PDZD2: variants seen among roughly 807,000 people sequenced by gnomAD.
The protein encoded by PDZD2 is PDZ domain containing 2, also known as PDZ domain-containing protein 2.
Under a neutral mutation model 220.7 loss-of-function variants are expected in PDZD2, and 90 were observed. The ratio of observed to expected loss-of-function variants is 0.41; its 90% CI spans 0.34 to 0.49. The LOEUF is 0.49. Ranked by LOEUF, PDZD2 falls within the 20% of genes least tolerant of loss-of-function variation. The pLI, the probability that PDZD2 is intolerant of heterozygous loss-of-function variation, is 0.28. For synonymous variants in PDZD2, 1,375 were observed against 1,450.5 expected, an observed-to-expected ratio of 0.95 and a Z score of 1.18; for missense variants, 3,174 against 3,608.5, an observed-to-expected ratio of 0.88 and a Z score of 3.08.
chr5:32,010,743 G>A (rs779602839), intron 6 of PDZD2: 27 of 470,330 alleles, frequency 5.7e-5, no homozygotes, highest in Non-Finnish European at 1.1e-4. Flanking sequence ...CACCTGTAAT[G>A]CCAGCACTTT....
intron 1 of PDZD2, among the ~76,000 whole-genome samples, chr5:31,667,508 G>C (rs1016701920): frequency 6.6e-6 from 1 of 152,090 alleles, no homozygotes; most frequent in African/African-American, 2.4e-5. Flanking sequence ...GTGGGGGCTG[G>C]GAAGGCTGCT....
intron 19 of PDZD2, among the ~76,000 whole-genome samples, chr5:32,081,104 G>A (rs922825502): frequency 3.9e-5 from 6 of 151,932 alleles, no homozygotes; most frequent in South Asian, 2.1e-4. Flanking sequence ...CCGCGGGTTT[G>A]TACCTTAAGT....
chr5:31,855,251 A>C, intron 2 of PDZD2: 14 of 366,664 alleles, frequency 3.8e-5, no homozygotes, highest in Non-Finnish European at 4.9e-5. Flanking sequence ...GAATCCACAA[A>C]TGTGGAGATT....
At chr5:31,884,517 G>T (rs1418009586) in intron 2 of PDZD2, among the ~76,000 whole-genome samples, 3 of 152,116 alleles carry the variant, frequency 2.0e-5, no homozygotes, top group Non-Finnish European at 2.9e-5. Flanking sequence ...GTCTGCTGTT[G>T]TCTGCTGTTT....
intron 2 of PDZD2, among the ~76,000 whole-genome samples, chr5:31,953,747 C>T (rs906647321): frequency 2.0e-5 from 3 of 151,952 alleles, no homozygotes; most frequent in African/African-American, 4.8e-5. Flanking sequence ...CTCTGCCTCC[C>T]AGGTTGAAGC....
chr5:32,005,704 G>C (rs2112047292), intron 5 of PDZD2, among the ~76,000 whole-genome samples: 1 of 152,236 alleles, frequency 6.6e-6, no homozygotes, highest in Non-Finnish European at 1.5e-5. Context: ...ATATACCCTG[G>C]AGGCAGTCCC....
At chr5:31,738,680 G>C (rs1323157922) in intron 1 of PDZD2, 1 of 152,112 alleles carries the variant, frequency 6.6e-6, no homozygotes, top group Non-Finnish European at 1.5e-5. Flanking sequence ...GCCTCTTTTA[G>C]AAAATGTTGC....
chr5:32,065,504 TC>T (rs1313690439), intron 14 of PDZD2, among the ~76,000 whole-genome samples: 2 of 152,198 alleles, frequency 1.3e-5, no homozygotes, highest in African/African-American at 4.8e-5. Context: ...CTTGGTGGCA[TC>T]AATTTAGACA....
intron 1 of PDZD2, chr5:31,661,418 A>G (rs1745758003): frequency 6.6e-6 from 1 of 152,232 alleles, no homozygotes; most frequent in African/African-American, 2.4e-5. Flanking sequence ...GCATCAAAAC[A>G]GGGAGGAATC....
At chr5:31,786,563 A>G (rs1040936171) in intron 1 of PDZD2, among the ~76,000 whole-genome samples, 2 of 152,136 alleles carry the variant, frequency 1.3e-5, no homozygotes, top group African/African-American at 4.8e-5. Context: ...TGATAAAGCA[A>G]TTTAGCCTAT....
At chr5:32,060,815 A>G (rs938508399) in intron 13 of PDZD2, among the ~76,000 whole-genome samples, 187 bp from the exon 14 acceptor site, 5 of 152,214 alleles carry the variant, frequency 3.3e-5, no homozygotes, top group Non-Finnish European at 7.3e-5. Flanking sequence ...ACCTTTGCCC[A>G]CTTAAAATCG....
chr5:31,749,218 A>T (rs1424338407), intron 1 of PDZD2, among the ~76,000 whole-genome samples: 1 of 152,192 alleles, frequency 6.6e-6, no homozygotes, highest in African/African-American at 2.4e-5. Flanking sequence ...GGCAGGAAGG[A>T]TATTTCACCT....
In PDZD2 at chr5:32,029,340, A is replaced by AAAAC. The variant is rs1402542758; in HGVS notation, c.1408-7888_1408-7887insCAAA. ...AGTATCAAGAACTGTAAAAAAAAAA[A>AAAAC]AAAAAAAAAAAAAGCTTTTCCACTA... On this transcript the variant is annotated intron_variant, in intron 6 of 24. Transcript: ENST00000438447. Among the ~76,000 whole-genome samples the AAAAC allele has an allele frequency of 2.8e-4, 43 of 151,000 alleles. 2 individuals carry two copies. Among genetic ancestry groups the AAAAC allele is most frequent in the Non-Finnish European group, 5.9e-4 (40 of 67,770 alleles).
chr5:31,659,030 C>T (rs1426123297), intron 1 of PDZD2, among the ~76,000 whole-genome samples: 1 of 152,128 alleles, frequency 6.6e-6, no homozygotes, highest in Non-Finnish European at 1.5e-5. Context: ...GTCCTCTTCC[C>T]CTGCCTCCCA....
intron 1 of PDZD2, among the ~76,000 whole-genome samples, chr5:31,784,686 A>T (rs200155197): frequency 8.1e-6 from 1 of 123,510 alleles, no homozygotes; most frequent in Non-Finnish European, 1.8e-5. Flanking sequence ...AGGCAGGTGG[A>T]TCACGAGGTC....
intron 2 of PDZD2, among the ~76,000 whole-genome samples, chr5:31,885,744 A>AT (rs960205718): frequency 6.6e-6 from 1 of 152,044 alleles, no homozygotes; most frequent in African/African-American, 2.4e-5. Flanking sequence ...TCAAGTGATG[A>AT]TTTTTTTTCT....
intron 21 of PDZD2, among the ~76,000 whole-genome samples, chr5:32,095,510 G>C (rs1348471714): frequency 6.6e-6 from 1 of 152,122 alleles, no homozygotes; most frequent in African/African-American, 2.4e-5. Context: ...ACAAACCCTG[G>C]CCTCCTGACT....
chr5:31,969,234 C>T (rs570103242), intron 2 of PDZD2, among the ~76,000 whole-genome samples: 4 of 152,098 alleles, frequency 2.6e-5, no homozygotes, highest in Admixed American at 6.5e-5. Context: ...CAGCCAGGCA[C>T]GATGGCTCAT....
At chr5:32,053,637 C>T in intron 9 of PDZD2, 132 bp from the exon 10 acceptor site, 1 of 639,292 alleles carries the variant, frequency 1.6e-6, no homozygotes, top group Non-Finnish European at 2.9e-6. Context: ...TAACTCCAGG[C>T]CTGGTTAGGG....
Sources: gnomAD v4.1 joint callset for allele counts (sites outside exome capture counted in the v4.1 genomes callset) on GRCh38, gnomAD v4.1.1 for gene constraint, MANE v1.5 for transcripts, NCBI Gene and HGNC (gene_info 2026-07-23, HGNC 2026-07-21) for gene names.